The following ADGRL3 variants were observed in gnomAD, a reference collection of about 807,000 sequenced individuals.
ADGRL3 encodes the protein adhesion G protein-coupled receptor L3.
A neutral mutation model predicts 153.5 loss-of-function variants in ADGRL3; 62 were observed. The ratio of observed to expected loss-of-function variants is 0.40; its 90% CI spans 0.33 to 0.50. The LOEUF (loss-of-function observed/expected upper bound fraction) is 0.50, where lower values mean the gene tolerates loss of function less well. Ranked by LOEUF, ADGRL3 falls within the 20% of genes least tolerant of loss-of-function variation. ADGRL3 has a pLI of 0.47. For synonymous variants in ADGRL3, 710 were observed against 672.5 expected (o/e 1.06, Z -0.86); for missense variants, 1,641 against 1,859.4 (o/e 0.88, Z 2.16).
At chr4:61,861,596 A>G (rs2098340909) in intron 9 of ADGRL3, among the ~76,000 whole-genome samples, 1 of 152,004 alleles carries the variant, frequency 6.6e-6, no homozygotes, top group African/African-American at 2.4e-5. Context: ...CTATCATTTT[A>G]TACTGCTCAT....
At chr4:61,330,760 G>A (rs973325460) in intron 1 of ADGRL3, among the ~76,000 whole-genome samples, 3 of 152,138 alleles carry the variant, frequency 2.0e-5, no homozygotes, top group Non-Finnish European at 4.4e-5. Context: ...CTGCTGGCTG[G>A]AGTGGCCAGC....
intron 9 of ADGRL3, among the ~76,000 whole-genome samples, chr4:61,818,398 C>T (rs2097712344): frequency 6.6e-6 from 1 of 152,168 alleles, no homozygotes; most frequent in Non-Finnish European, 1.5e-5. Context: ...AGGGCACAGC[C>T]CTTTATGAGC....
In ADGRL3 at chr4:61,844,575, A is replaced by AAATATATAT. The variant is rs1554045137; in HGVS notation, c.1480+30687_1480+30688insATATATATA. On this transcript the variant is annotated intron_variant, in intron 9 of 26. Coordinates refer to ENST00000683033, the MANE Select transcript of ADGRL3 (RefSeq NM_001387552.1). ...AAAAAAAAAAAAAAAAAAAAAAAAAAATATATATATATATATATATATTTA... is the reference window on the plus strand; with the variant it reads ...AAAAAAAAAAAAAAAAAAAAAAAAAAAATATATATATATATATATATATATATATATTTA... Among the ~76,000 whole-genome samples, 5 of 18,108 alleles carry AAATATATAT rather than the reference A, an allele frequency of 2.8e-4. 1 individual carries two copies. The highest frequency in any genetic ancestry group is 3.3e-4 in the Non-Finnish European group (4 of 11,962). 11.9% of individuals were successfully genotyped at this position (18,108 alleles called of 152,430 possible). A position where few individuals can be genotyped will look rare whatever the true frequency, so the allele number is the denominator to read the frequency against.
chr4:61,973,057 G>T (rs879304863), intron 17 of ADGRL3, among the ~76,000 whole-genome samples: 3 of 151,478 alleles, frequency 2.0e-5, no homozygotes, highest in Admixed American at 6.6e-5. Context: ...TGTATAGTTT[G>T]TATCCCATCT....
chr4:61,370,482 T>G (rs944153890), intron 1 of ADGRL3, among the ~76,000 whole-genome samples: 14 of 152,104 alleles, frequency 9.2e-5, no homozygotes, highest in Non-Finnish European at 1.2e-4. Flanking sequence ...TTCATTTCGT[T>G]ATGTACCCAG....
intron 8 of ADGRL3, among the ~76,000 whole-genome samples, chr4:61,759,481 C>T (rs1282910238): frequency 6.6e-6 from 1 of 152,160 alleles, no homozygotes; most frequent in Admixed American, 6.5e-5. Flanking sequence ...GAGGCTTGTG[C>T]ATTCGTCACA....
intron 5 of ADGRL3, among the ~76,000 whole-genome samples, chr4:61,604,404 A>C (rs556849028): frequency 2.8e-4 from 42 of 152,330 alleles, no homozygotes; most frequent in African/African-American, 9.4e-4. Context: ...CTCTGGAATA[A>C]AATGCCTATA....
chr4:61,253,444 C>G (rs1220244841), intron 1 of ADGRL3, among the ~76,000 whole-genome samples: 1 of 152,046 alleles, frequency 6.6e-6, no homozygotes, highest in African/African-American at 2.4e-5. Flanking sequence ...AACCAGTATT[C>G]TCTTACTCCA....
intron 5 of ADGRL3, among the ~76,000 whole-genome samples, chr4:61,654,668 G>T (rs2094389708): frequency 6.6e-6 from 1 of 152,116 alleles, no homozygotes; most frequent in African/African-American, 2.4e-5. Flanking sequence ...GGAGGCCAAG[G>T]TGGGCAGATC....
intron 5 of ADGRL3, among the ~76,000 whole-genome samples, chr4:61,608,191 C>A (rs955982363): frequency 6.6e-6 from 1 of 152,214 alleles, no homozygotes. Context: ...CAGCTTCCCA[C>A]ATTTGCACAC....
chr4:61,531,565 C>T (rs1377859165), intron 4 of ADGRL3, among the ~76,000 whole-genome samples: 1 of 152,156 alleles, frequency 6.6e-6, no homozygotes, highest in East Asian at 1.9e-4. Context: ...CAAGCATTTA[C>T]TATGCACCTA....
intron 5 of ADGRL3, among the ~76,000 whole-genome samples, chr4:61,609,893 C>A (rs556074406): frequency 1.3e-5 from 2 of 151,918 alleles, no homozygotes; most frequent in South Asian, 4.2e-4. Flanking sequence ...TAATAACCCA[C>A]CCCCAAAGAA....
chr4:61,382,749 G>T (rs1032447075), intron 1 of ADGRL3, among the ~76,000 whole-genome samples: 14 of 151,806 alleles, frequency 9.2e-5, no homozygotes, highest in African/African-American at 3.4e-4. Flanking sequence ...AATGGCAAAA[G>T]TGGTAAGACT....
intron 5 of ADGRL3, among the ~76,000 whole-genome samples, chr4:61,589,771 A>C (rs555540604): frequency 5.9e-5 from 9 of 152,208 alleles, no homozygotes; most frequent in South Asian, 2.1e-4. Flanking sequence ...ATGAAATGTC[A>C]TTGAGGCAGA....
chr4:62,052,129 C>G (rs769833695), intron 25 of ADGRL3, among the ~76,000 whole-genome samples: 8 of 151,360 alleles, frequency 5.3e-5, no homozygotes, highest in Non-Finnish European at 8.9e-5. Flanking sequence ...AGTAACTTGT[C>G]CAAGATCACA....
intron 2 of ADGRL3, among the ~76,000 whole-genome samples, chr4:61,459,151 G>A (rs916877159): frequency 6.6e-6 from 1 of 151,568 alleles, no homozygotes; most frequent in African/African-American, 2.4e-5. Context: ...TTGTACAGAA[G>A]TTGTGTTGTA....
At chr4:61,406,606 A>G (rs989164860) in intron 2 of ADGRL3, among the ~76,000 whole-genome samples, 8 of 151,864 alleles carry the variant, frequency 5.3e-5, no homozygotes, top group Non-Finnish European at 1.0e-4. Context: ...TTTTAAATTT[A>G]ACTTTTTTCC....
At position 61,299,564 on chromosome 4, in the gene ADGRL3, TA is replaced by T. The variant is rs2094517230; in HGVS notation, c.-239-83559del. ...TGTTGCCACCTTCTGCTGAACACTT[TA>T]CATCTTTGAAAAGATCTGTTTTACT... On this transcript the variant is annotated intron_variant, in intron 1 of 26. Coordinates refer to ENST00000683033, the MANE Select transcript of ADGRL3 (RefSeq NM_001387552.1). Among the ~76,000 whole-genome samples the T allele has an allele frequency of 2.6e-5, 4 of 152,322 alleles. No individual in the cohort carries two copies. In the South Asian group the frequency reaches 8.3e-4, roughly 32 times the overall value.
At chr4:61,555,704 C>A (rs10007185) in intron 4 of ADGRL3, among the ~76,000 whole-genome samples, 50,170 of 152,004 alleles carry the variant, frequency 0.33, 8,874 homozygotes, top group East Asian at 0.54. Flanking sequence ...AGAATGGCTA[C>A]TCCATAGACA....
Sources: gnomAD v4.1 joint callset for allele counts (sites outside exome capture counted in the v4.1 genomes callset) on GRCh38, gnomAD v4.1.1 for gene constraint, MANE v1.5 for transcripts, NCBI Gene and HGNC (gene_info 2026-07-23, HGNC 2026-07-21) for gene names.